Variants in MAMDC2 observed in about 807,000 individuals in gnomAD.
MAMDC2 encodes the protein MAM domain containing 2, also known as MAM domain-containing protein 2.
MAMDC2 carries 57 observed loss-of-function variants against 89.8 expected under a neutral mutation model. The ratio of observed to expected loss-of-function variants is 0.63; its 90% CI spans 0.51 to 0.79. MAMDC2 has a LOEUF of 0.79. Among genes scored for constraint, MAMDC2 ranks in the 30% least tolerant of loss-of-function variants. The pLI is 0.00. For missense variants in MAMDC2, 800 were observed against 820.6 expected (o/e 0.97, Z 0.31); for synonymous variants, 313 against 293.4 (o/e 1.07, Z -0.68).
chr9:70,109,876 T>G, intron 4 of MAMDC2, 72 bp downstream of exon 4: 1 of 1,262,214 alleles, frequency 7.9e-7, no homozygotes, highest in South Asian at 1.2e-5. Flanking sequence ...CAGAGGGAAC[T>G]GAATCAATCC....
intron 7 of MAMDC2, among the ~76,000 whole-genome samples, chr9:70,139,573 A>G: frequency 6.6e-6 from 1 of 152,086 alleles, no homozygotes; most frequent in East Asian, 1.9e-4. Context: ...ATAGTGCCGC[A>G]ATAAACATAC....
chr9:70,158,493 A>T (rs2031846053), intron 9 of MAMDC2, among the ~76,000 whole-genome samples: 1 of 151,406 alleles, frequency 6.6e-6, no homozygotes, highest in Non-Finnish European at 1.5e-5. Context: ...ATTTTTAAAT[A>T]TATATAATAT....
intron 7 of MAMDC2, among the ~76,000 whole-genome samples, chr9:70,131,968 C>A (rs60977731): frequency 6.6e-6 from 1 of 152,354 alleles, no homozygotes; most frequent in African/African-American, 2.4e-5. Flanking sequence ...ATGGACAAAG[C>A]TCTCACAATC....
chr9:70,069,576 T>C (rs1827354034), intron 2 of MAMDC2, among the ~76,000 whole-genome samples: 1 of 152,242 alleles, frequency 6.6e-6, no homozygotes, highest in African/African-American at 2.4e-5. Context: ...GTTTTAACAT[T>C]GAAAGCTACT....
intron 10 of MAMDC2, among the ~76,000 whole-genome samples, chr9:70,169,221 A>G (rs2032258467): frequency 6.6e-6 from 1 of 152,252 alleles, no homozygotes; most frequent in Non-Finnish European, 1.5e-5. Context: ...AAAAATTTTA[A>G]TAAACATTTT....
rs1587498390 is a variant in MAMDC2 at position 70,130,143 on chromosome 9, A to G, written c.901-1376A>G. 2.0e-5 allele frequency among the ~76,000 whole-genome samples: 3 copies of G among 152,086 alleles called. No homozygotes were observed. In the South Asian group the frequency reaches 6.3e-4, roughly 32 times the overall value. On this transcript the variant is annotated intron_variant, in intron 6 of 13. Transcript: ENST00000377182. ...CAGCATGACCTTATCTTAACTAATT[A>G]CATTTGCGGTGACCCTATTCCCAAA...
chr9:70,104,727 A>C (rs936922124), intron 2 of MAMDC2, among the ~76,000 whole-genome samples: 1 of 152,206 alleles, frequency 6.6e-6, no homozygotes, highest in African/African-American at 2.4e-5. Context: ...TAAAGTTTCC[A>C]GAATAGGCAA....
chr9:70,117,371 G>A (rs1301854389), intron 5 of MAMDC2, among the ~76,000 whole-genome samples: 3 of 152,012 alleles, frequency 2.0e-5, no homozygotes, highest in Non-Finnish European at 4.4e-5. Context: ...AACTAACACA[G>A]GAACAGAAAA....
chr9:70,142,643 CTT>C (rs1416713369), intron 8 of MAMDC2, among the ~76,000 whole-genome samples: 3 of 152,090 alleles, frequency 2.0e-5, no homozygotes, highest in Non-Finnish European at 4.4e-5. Context: ...GGTGAGGGGT[CTT>C]TTCCTGGCTT....
At chr9:70,155,040 T>TCC (rs1167739148) in intron 9 of MAMDC2, among the ~76,000 whole-genome samples, 4 of 152,016 alleles carry the variant, frequency 2.6e-5, no homozygotes, top group Admixed American at 6.6e-5. Flanking sequence ...CGTCATACCC[T>TCC]CCCCACCTGC....
chr9:70,212,979 T>C (rs1264743054), intron 11 of MAMDC2, among the ~76,000 whole-genome samples: 1 of 152,184 alleles, frequency 6.6e-6, no homozygotes, highest in Non-Finnish European at 1.5e-5. Flanking sequence ...TGGGAAGAAC[T>C]GGTCAACCAG....
chr9:70,192,838 C>G (rs1265213650), intron 11 of MAMDC2, among the ~76,000 whole-genome samples: 1 of 151,942 alleles, frequency 6.6e-6, no homozygotes, highest in Non-Finnish European at 1.5e-5. Flanking sequence ...AATTTATAGT[C>G]AAATAGTTGG....
intron 5 of MAMDC2, among the ~76,000 whole-genome samples, chr9:70,120,996 G>T (rs1370503116): frequency 6.6e-6 from 1 of 152,160 alleles, no homozygotes; most frequent in Non-Finnish European, 1.5e-5. Flanking sequence ...CCCTACTGGG[G>T]AGACAGCTTG....
intron 12 of MAMDC2, among the ~76,000 whole-genome samples, chr9:70,223,319 T>C (rs2033599037): frequency 6.6e-6 from 1 of 152,078 alleles, no homozygotes; most frequent in South Asian, 2.1e-4. Context: ...TCTGAAAAAA[T>C]ACTTAAAATA....
intron 11 of MAMDC2, among the ~76,000 whole-genome samples, chr9:70,210,523 G>A (rs2033332338): frequency 6.6e-6 from 1 of 152,156 alleles, no homozygotes; most frequent in African/African-American, 2.4e-5. Context: ...GAGCCTATGT[G>A]TGTCTTTGCA....
At chr9:70,210,922 G>A (rs2118664700) in intron 11 of MAMDC2, among the ~76,000 whole-genome samples, 1 of 152,298 alleles carries the variant, frequency 6.6e-6, no homozygotes, top group African/African-American at 2.4e-5. Flanking sequence ...ATTCTGGGTT[G>A]AAAATTCTTT....
chr9:70,206,608 C>A (rs181846559), intron 11 of MAMDC2, among the ~76,000 whole-genome samples: 1 of 152,158 alleles, frequency 6.6e-6, no homozygotes, highest in Admixed American at 6.5e-5. Context: ...GACTTTGTTT[C>A]ATATTTTTTT....
chr9:70,223,551 A>G (rs1297205891), intron 12 of MAMDC2, among the ~76,000 whole-genome samples: 1 of 152,228 alleles, frequency 6.6e-6, no homozygotes, highest in Non-Finnish European at 1.5e-5. Flanking sequence ...GGACAATCCC[A>G]TGTTAAAACT....
At chr9:70,134,339 T>C (rs1303923338) in intron 7 of MAMDC2, among the ~76,000 whole-genome samples, 1 of 119,408 alleles carries the variant, frequency 8.4e-6, no homozygotes, top group East Asian at 2.9e-4. Context: ...CCCACTTCCT[T>C]CTCCATCCCT....
Sources: gnomAD v4.1 joint callset for allele counts (sites outside exome capture counted in the v4.1 genomes callset) on GRCh38, gnomAD v4.1.1 for gene constraint, MANE v1.5 for transcripts, NCBI Gene and HGNC (gene_info 2026-07-23, HGNC 2026-07-21) for gene names.